Variants in COL19A1 observed in about 807,000 individuals in gnomAD.
The protein encoded by COL19A1 is collagen alpha-1(XIX) chain.
A neutral mutation model predicts 190.2 loss-of-function variants in COL19A1; 159 were observed. The observed-to-expected ratio is 0.84, with a 90% CI of 0.73 to 0.95. The LOEUF is 0.95. COL19A1 is among the 40% of genes least tolerant of loss of function. The probability of loss-of-function intolerance (pLI) is 0.00; values close to 1 mark genes in which losing one functional copy is unlikely to be tolerated. For synonymous variants in COL19A1, 509 were observed against 458.9 expected (o/e 1.11, Z -1.39); for missense variants, 1,418 against 1,431.9 (o/e 0.99, Z 0.16).
At chr6:70,020,879 G>C (rs1253871715) in intron 11 of COL19A1, among the ~76,000 whole-genome samples, 1 of 152,086 alleles carries the variant, frequency 6.6e-6, no homozygotes, top group Non-Finnish European at 1.5e-5. Context: ...ATAGAAGATA[G>C]ATATTCATTG....
chr6:69,911,314 G>A (rs959114480), intron 4 of COL19A1, among the ~76,000 whole-genome samples: 4 of 152,122 alleles, frequency 2.6e-5, no homozygotes, highest in South Asian at 4.1e-4. Context: ...GTTATTTTAT[G>A]TGATTCCTGT....
chr6:70,173,417 A>G (rs1765613812), intron 41 of COL19A1, among the ~76,000 whole-genome samples: 1 of 152,202 alleles, frequency 6.6e-6, no homozygotes, highest in Non-Finnish European at 1.5e-5. Context: ...CAAGAAAAGG[A>G]GCAAAGAGCA....
chr6:70,105,875 C>T (rs1366609210), intron 16 of COL19A1, among the ~76,000 whole-genome samples: 1 of 152,078 alleles, frequency 6.6e-6, no homozygotes, highest in African/African-American at 2.4e-5. Flanking sequence ...TATGTAATAT[C>T]CCTCAAATAA....
rs377420368 is a variant in COL19A1, at chr6:69,921,411, C to CATATATATCATATATATCATATATCAT, written c.267-6492_267-6491insATCATATATATCATATATCATATATAT. ...CATATATATCATATATCATATATAT[C>CATATATATCATATATATCATATATCAT]ATATATCATATATATCATATATATC... On this transcript the variant is annotated intron_variant, in intron 4 of 50. Transcript: ENST00000620364. 9.0e-4 allele frequency among the ~76,000 whole-genome samples: 74 copies of CATATATATCATATATATCATATATCAT among 82,082 alleles called. 2 individuals carry two copies. The highest frequency in any genetic ancestry group is 1.2e-3 in the Non-Finnish European group (53 of 45,304). The allele number at this position is 82,082 out of a possible 152,430, so 53.8% of individuals were successfully genotyped here.
At chr6:70,065,609 G>T (rs9454958) in intron 14 of COL19A1, among the ~76,000 whole-genome samples, 18,325 of 152,102 alleles carry the variant, frequency 0.12, 1,499 homozygotes, top group African/African-American at 0.22. Flanking sequence ...TTGACAAATG[G>T]GATCTAATTA....
chr6:69,926,069 A>G (rs1430099620), intron 4 of COL19A1, among the ~76,000 whole-genome samples: 1 of 152,028 alleles, frequency 6.6e-6, no homozygotes, highest in Admixed American at 6.6e-5. Context: ...CTAATTGAAT[A>G]CCCTTTATTT....
intron 11 of COL19A1, among the ~76,000 whole-genome samples, chr6:69,969,598 AT>A (rs1775307756): frequency 6.6e-6 from 1 of 152,250 alleles, no homozygotes; most frequent in African/African-American, 2.4e-5. Flanking sequence ...AAACAATATA[AT>A]CTAACAACTA....
intron 15 of COL19A1, among the ~76,000 whole-genome samples, chr6:70,099,893 A>C (rs908888568): frequency 6.6e-6 from 1 of 152,196 alleles, no homozygotes; most frequent in African/African-American, 2.4e-5. Flanking sequence ...GACAATGGCA[A>C]GGCTGGCTGA....
At chr6:69,892,237 T>C (rs2149961724) in intron 2 of COL19A1, among the ~76,000 whole-genome samples, 1 of 152,356 alleles carries the variant, frequency 6.6e-6, no homozygotes, top group South Asian at 2.1e-4. Context: ...AGAACTAGAA[T>C]ATTGATCCAG....
At chr6:70,063,729 C>T (rs867250376) in intron 14 of COL19A1, among the ~76,000 whole-genome samples, 10 of 151,868 alleles carry the variant, frequency 6.6e-5, no homozygotes, top group South Asian at 6.2e-4. Flanking sequence ...ATTGATAGAC[C>T]GCTAGCAAGA....
In COL19A1 at chr6:69,913,957, TA is replaced by T. The variant is rs78628399; in HGVS notation, c.266+13632del. On this transcript the variant is annotated intron_variant, in intron 4 of 50. Transcript: ENST00000620364. ...GGCAGGGTTGGGTTTAATCCAGGGT[TA>T]AAAAAAAAAAAACCCTTTCCTGGCT... Among the ~76,000 whole-genome samples the T allele has an allele frequency of 8.0e-3, 1,117 of 139,884 alleles. 18 individuals carry two copies. Among genetic ancestry groups the T allele is most frequent in the East Asian group, 0.07 (340 of 4,870 alleles). The allele number at this position is 139,884 out of a possible 152,430, so 91.8% of individuals were successfully genotyped here.
At chr6:70,196,794 C>G (rs1318177818) in intron 48 of COL19A1, among the ~76,000 whole-genome samples, 1 of 152,106 alleles carries the variant, frequency 6.6e-6, no homozygotes, top group African/African-American at 2.4e-5. Flanking sequence ...TTTTAATTGA[C>G]TGAAGATCCC....
At chr6:69,953,334 CA>C (rs940316161) in intron 9 of COL19A1, among the ~76,000 whole-genome samples, 1 of 151,718 alleles carries the variant, frequency 6.6e-6, no homozygotes, top group African/African-American at 2.4e-5. Flanking sequence ...AATTTTTAAT[CA>C]TAATTAGTAT....
intron 4 of COL19A1, among the ~76,000 whole-genome samples, chr6:69,915,589 C>G (rs887413413): frequency 2.0e-5 from 3 of 152,130 alleles, no homozygotes; most frequent in Admixed American, 2.0e-4. Flanking sequence ...GCCCTGATTT[C>G]ACAATTCAGG....
chr6:70,156,579 A>G, intron 33 of COL19A1, 91 bp from the exon 34 acceptor site: 1 of 1,379,272 alleles, frequency 7.3e-7, no homozygotes, highest in Admixed American at 2.0e-5. Context: ...TCCAAATTAC[A>G]TGCCCCAAGT....
At position 70,211,917 on chromosome 6, in the gene COL19A1, A is replaced by G. The variant is rs959914940; in HGVS notation, c.*4643A>G. On this transcript the variant is annotated 3_prime_UTR_variant, in exon 51 of 51. Transcript: ENST00000620364. ...AGTCTAAGAAAATCTAAATGGAAAA[A>G]AAATTGCGTGTTCAGATCCAATAGT... Among the ~76,000 whole-genome samples the G allele has an allele frequency of 6.6e-6, 1 of 152,144 alleles. No individual in the cohort carries two copies. The highest frequency in any genetic ancestry group is 6.5e-5 in the Admixed American group (1 of 15,268).
intron 14 of COL19A1, among the ~76,000 whole-genome samples, chr6:70,038,034 T>C (rs545483501): frequency 6.6e-5 from 10 of 152,352 alleles, no homozygotes; most frequent in African/African-American, 2.4e-4. Flanking sequence ...AAAATAGGGA[T>C]AAACTAAAAT....
chr6:70,010,262 G>A (rs118102217), intron 11 of COL19A1, among the ~76,000 whole-genome samples: 1,937 of 152,188 alleles, frequency 0.013, 24 homozygotes, highest in Non-Finnish European at 0.018. Flanking sequence ...CACTCCACAC[G>A]AAAGATATAT....
At chr6:69,908,227 G>A (rs1035619289) in intron 4 of COL19A1, among the ~76,000 whole-genome samples, 5 of 152,136 alleles carry the variant, frequency 3.3e-5, no homozygotes, top group Admixed American at 1.3e-4. Flanking sequence ...CTCTGATATC[G>A]AAGTGTCTCC....
Sources: allele counts gnomAD v4.1 joint callset (sites outside exome capture counted in the v4.1 genomes callset), GRCh38; gene constraint gnomAD v4.1.1; transcripts MANE v1.5; gene names NCBI Gene and HGNC (gene_info 2026-07-23, HGNC 2026-07-21).